CDH13: variants seen among roughly 807,000 people sequenced by gnomAD.
CDH13 encodes the protein cadherin-13.
Under a neutral mutation model 63.8 loss-of-function variants are expected in CDH13, and 24 were observed. That is an observed-to-expected ratio of 0.38 (90% confidence interval 0.27 to 0.53). The LOEUF (loss-of-function observed/expected upper bound fraction) is 0.53, where lower values mean the gene tolerates loss of function less well. CDH13 is among the 20% of genes least tolerant of loss of function. The probability of loss-of-function intolerance (pLI) is 0.85; values close to 1 mark genes in which losing one functional copy is unlikely to be tolerated. For synonymous variants in CDH13, 503 were observed against 355.3 expected, an observed-to-expected ratio of 1.42 and a Z score of -4.67; for missense variants, 1,049 against 903.1, an observed-to-expected ratio of 1.16 and a Z score of -2.07.
chr16:83,557,261 C>T (rs2075623435), intron 7 of CDH13, among the ~76,000 whole-genome samples: 1 of 152,186 alleles, frequency 6.6e-6, no homozygotes, highest in Admixed American at 6.5e-5. Flanking sequence ...GGAAAACAAG[C>T]TCAGGACTCC....
chr16:83,135,697 T>C (rs951020028), intron 4 of CDH13, among the ~76,000 whole-genome samples: 6 of 152,096 alleles, frequency 3.9e-5, no homozygotes, highest in Non-Finnish European at 7.4e-5. Flanking sequence ...GGAAAAGAAG[T>C]CATTATATGA....
At chr16:83,686,524 T>C (rs1904325541) in intron 10 of CDH13, among the ~76,000 whole-genome samples, 1 of 152,234 alleles carries the variant, frequency 6.6e-6, no homozygotes, top group Non-Finnish European at 1.5e-5. Flanking sequence ...ATGACAACTT[T>C]AGCAGGCTAA....
intron 6 of CDH13, among the ~76,000 whole-genome samples, chr16:83,466,994 T>A (rs181408193): frequency 2.6e-4 from 40 of 152,260 alleles, no homozygotes; most frequent in African/African-American, 9.1e-4. Flanking sequence ...GCTTTATGTA[T>A]TTTCCTTAAA....
chr16:82,988,845 C>T (rs915526811), intron 2 of CDH13, among the ~76,000 whole-genome samples: 1 of 151,540 alleles, frequency 6.6e-6, no homozygotes, highest in Admixed American at 6.6e-5. Context: ...CTGTGTCCCG[C>T]AAGGTAGGAG....
At chr16:82,788,350 A>T (rs1330087414) in intron 1 of CDH13, among the ~76,000 whole-genome samples, 2 of 152,134 alleles carry the variant, frequency 1.3e-5, no homozygotes, top group Admixed American at 6.5e-5. Flanking sequence ...TGCCCAGGAG[A>T]TGGCTGAGTC....
chr16:83,705,749 T>G (rs920910243), intron 10 of CDH13, among the ~76,000 whole-genome samples: 3 of 152,214 alleles, frequency 2.0e-5, no homozygotes, highest in African/African-American at 7.2e-5. Context: ...AAGCTGACCT[T>G]ACTGTCAAGC....
intron 5 of CDH13, among the ~76,000 whole-genome samples, chr16:83,237,278 C>G (rs1017473489): frequency 1.3e-5 from 2 of 152,314 alleles, no homozygotes; most frequent in African/African-American, 2.4e-5. Flanking sequence ...GTGATGCTCA[C>G]GGTCACAGCC....
chr16:82,857,251 A>G (rs1018787202), intron 1 of CDH13, among the ~76,000 whole-genome samples: 2 of 152,154 alleles, frequency 1.3e-5, no homozygotes, highest in African/African-American at 4.8e-5. Context: ...ACCTTATAAC[A>G]TTACACATTT....
At chr16:83,504,078 A>G (rs1288202059) in intron 7 of CDH13, among the ~76,000 whole-genome samples, 2 of 152,184 alleles carry the variant, frequency 1.3e-5, no homozygotes, top group South Asian at 2.1e-4. Flanking sequence ...CTATGTAACA[A>G]ACCTGCACAG....
At chr16:83,582,105 G>T (rs560589202) in intron 7 of CDH13, among the ~76,000 whole-genome samples, 1 of 152,162 alleles carries the variant, frequency 6.6e-6, no homozygotes, top group Non-Finnish European at 1.5e-5. Context: ...GGGTTGTCAG[G>T]GGGGTGGTTA....
At chr16:83,543,401 A>G (rs548971798) in intron 7 of CDH13, among the ~76,000 whole-genome samples, 1 of 152,290 alleles carries the variant, frequency 6.6e-6, no homozygotes, top group East Asian at 1.9e-4. Flanking sequence ...GGAAATTAAC[A>G]ATCTACAAAA....
chr16:83,589,185 A>G (rs1053584905), intron 7 of CDH13, among the ~76,000 whole-genome samples: 1 of 151,318 alleles, frequency 6.6e-6, no homozygotes, highest in Non-Finnish European at 1.5e-5. Flanking sequence ...CTCTTCCTCC[A>G]TCTTAAGGCC....
At chr16:83,509,697 T>G (rs1172902063) in intron 7 of CDH13, among the ~76,000 whole-genome samples, 1 of 152,182 alleles carries the variant, frequency 6.6e-6, no homozygotes, top group Non-Finnish European at 1.5e-5. Context: ...CAAATTTGAT[T>G]TACCAAAAAG....
At chr16:83,460,507 C>T (rs970874117) in intron 6 of CDH13, among the ~76,000 whole-genome samples, 6 of 152,166 alleles carry the variant, frequency 3.9e-5, no homozygotes, top group African/African-American at 1.4e-4. Flanking sequence ...CCGTACCCGG[C>T]AGTGTGTACG....
intron 8 of CDH13, among the ~76,000 whole-genome samples, chr16:83,616,784 T>G (rs910650286): frequency 3.3e-5 from 5 of 152,126 alleles, no homozygotes; most frequent in African/African-American, 9.7e-5. Context: ...CTGAACAATT[T>G]TAGAAGTAAG....
chr16:83,266,145 C>T (rs936503872), intron 5 of CDH13, among the ~76,000 whole-genome samples: 6 of 152,176 alleles, frequency 3.9e-5, no homozygotes, highest in African/African-American at 1.4e-4. Context: ...ACCACATTGG[C>T]CAGGCTGGTC....
chr16:83,761,854 G>C (rs1010060633), intron 11 of CDH13, among the ~76,000 whole-genome samples: 6 of 152,080 alleles, frequency 3.9e-5, no homozygotes, highest in Non-Finnish European at 8.8e-5. Flanking sequence ...GTCACTTAAG[G>C]TCAGTAGTTC....
intron 1 of CDH13, among the ~76,000 whole-genome samples, chr16:82,681,585 C>T (rs1914550531): frequency 6.6e-6 from 1 of 152,178 alleles, no homozygotes; most frequent in Non-Finnish European, 1.5e-5. Context: ...AGCTAGTCAC[C>T]AAAACGTATC....
intron 2 of CDH13, among the ~76,000 whole-genome samples, chr16:83,022,129 G>A (rs1375202144): frequency 2.0e-5 from 3 of 152,204 alleles, no homozygotes; most frequent in Non-Finnish European, 4.4e-5. Flanking sequence ...CATACTGAGG[G>A]ATATGAAAAG....
Sources: gnomAD v4.1 joint callset for allele counts (sites outside exome capture counted in the v4.1 genomes callset) on GRCh38, gnomAD v4.1.1 for gene constraint, MANE v1.5 for transcripts, NCBI Gene and HGNC (gene_info 2026-07-23, HGNC 2026-07-21) for gene names.